Variants in ADK observed in about 807,000 individuals in gnomAD.
ADK encodes the protein adenosine kinase.
A neutral mutation model predicts 44.7 loss-of-function variants in ADK; 24 were observed. That is an observed-to-expected ratio of 0.54 (90% CI 0.39 to 0.76). The LOEUF (loss-of-function observed/expected upper bound fraction) is 0.76. Among genes scored for constraint, ADK ranks in the 30% least tolerant of loss-of-function variants. The pLI is 0.00. For synonymous variants in ADK, 128 were observed against 142.6 expected (o/e 0.90, Z 0.73); for missense variants, 321 against 425.1 (o/e 0.76, Z 2.15).
chr10:74,629,230 G>C (rs1434031749), intron 9 of ADK, among the ~76,000 whole-genome samples: 1 of 152,050 alleles, frequency 6.6e-6, no homozygotes, highest in Non-Finnish European at 1.5e-5. Flanking sequence ...GGGTCTTGCT[G>C]TGTTGTCCAG....
chr10:74,169,074 C>G (rs1187086577), intron 1 of ADK, among the ~76,000 whole-genome samples: 1 of 152,044 alleles, frequency 6.6e-6, no homozygotes, highest in African/African-American at 2.4e-5. Context: ...AAAAAATTAG[C>G]TGGGCATGGT....
intron 3 of ADK, among the ~76,000 whole-genome samples, chr10:74,282,927 A>G (rs1004641481): frequency 6.6e-6 from 1 of 152,202 alleles, no homozygotes; most frequent in Non-Finnish European, 1.5e-5. Flanking sequence ...CTATTGAAAA[A>G]ATACCATGAG....
chr10:74,647,384 G>C (rs1854091942), intron 9 of ADK, among the ~76,000 whole-genome samples: 1 of 152,074 alleles, frequency 6.6e-6, no homozygotes, highest in Admixed American at 6.5e-5. Context: ...CTAAGAACTG[G>C]TTTACTAGAG....
chr10:74,662,052 A>G (rs372805851), intron 9 of ADK, among the ~76,000 whole-genome samples: 21 of 152,312 alleles, frequency 1.4e-4, no homozygotes, highest in South Asian at 1.2e-3. Context: ...ATACCTGATA[A>G]TATTATATAG....
At chr10:74,521,350 TC>T (rs1004669621) in intron 6 of ADK, among the ~76,000 whole-genome samples, 1 of 152,180 alleles carries the variant, frequency 6.6e-6, no homozygotes, top group African/African-American at 2.4e-5. Context: ...ATCACAAGAC[TC>T]TTGTGTTGTA....
chr10:74,195,070 T>A (rs1362526036), intron 1 of ADK, among the ~76,000 whole-genome samples: 1 of 132,474 alleles, frequency 7.5e-6, no homozygotes, highest in East Asian at 2.0e-4. Flanking sequence ...ATTTATAAAA[T>A]TACTGACCGC....
chr10:74,308,681 A>G (rs1226813858), intron 3 of ADK, among the ~76,000 whole-genome samples: 1 of 152,228 alleles, frequency 6.6e-6, no homozygotes, highest in East Asian at 1.9e-4. Flanking sequence ...AGGAAGTTAA[A>G]TTTTTGGAAT....
At chr10:74,286,201 T>A (rs1281318454) in intron 3 of ADK, among the ~76,000 whole-genome samples, 4 of 152,152 alleles carry the variant, frequency 2.6e-5, no homozygotes, top group Admixed American at 6.5e-5. Flanking sequence ...TACAAGTGTG[T>A]GCCACCACAC....
chr10:74,600,520 C>G, intron 9 of ADK, 27 bp downstream of exon 9: 1 of 1,494,962 alleles, frequency 6.7e-7, no homozygotes, highest in Non-Finnish European at 9.3e-7. Flanking sequence ...TGTGATGAAT[C>G]TAGTATTATG....
intron 3 of ADK, among the ~76,000 whole-genome samples, chr10:74,265,924 T>C (rs1431214350): frequency 6.6e-6 from 1 of 152,124 alleles, no homozygotes; most frequent in Admixed American, 6.5e-5. Context: ...TATAAAGTGC[T>C]TGTGATGATA....
At chr10:74,169,968 A>G (rs1307148389) in intron 1 of ADK, among the ~76,000 whole-genome samples, 2 of 152,236 alleles carry the variant, frequency 1.3e-5, no homozygotes, top group African/African-American at 4.8e-5. Context: ...CAAAAGTAAT[A>G]AAGTTATTGG....
intron 6 of ADK, among the ~76,000 whole-genome samples, chr10:74,452,354 G>A (rs1845807516): frequency 1.3e-5 from 2 of 151,844 alleles, no homozygotes; most frequent in Admixed American, 1.3e-4. Flanking sequence ...TCAATGATTT[G>A]CTTTTTCTGA....
chr10:74,216,595 C>T (rs904824321), intron 2 of ADK, among the ~76,000 whole-genome samples: 8 of 151,728 alleles, frequency 5.3e-5, no homozygotes, highest in Non-Finnish European at 1.0e-4. Context: ...CGTGGGGGTG[C>T]ATGCCTGTAG....
intron 6 of ADK, among the ~76,000 whole-genome samples, chr10:74,414,679 C>G (rs1008494691): frequency 6.6e-6 from 1 of 151,900 alleles, no homozygotes; most frequent in Non-Finnish European, 1.5e-5. Context: ...AGGTTGCACT[C>G]CTGCCTAGGT....
intron 9 of ADK, among the ~76,000 whole-genome samples, chr10:74,638,083 A>G (rs941181468): frequency 6.6e-6 from 1 of 152,206 alleles, no homozygotes; most frequent in Non-Finnish European, 1.5e-5. Flanking sequence ...AAAAATATTT[A>G]TACAAGACTT....
chr10:74,402,545 A>C (rs1843753902), intron 6 of ADK, among the ~76,000 whole-genome samples: 1 of 152,036 alleles, frequency 6.6e-6, no homozygotes, highest in African/African-American at 2.4e-5. Context: ...CAGCTACTGA[A>C]GCTTGTGCAT....
At chr10:74,210,415 C>G (rs1271784120) in intron 2 of ADK, among the ~76,000 whole-genome samples, 1 of 150,668 alleles carries the variant, frequency 6.6e-6, no homozygotes, top group South Asian at 2.1e-4. Flanking sequence ...CAGATCTAAA[C>G]CTTTAATAAA....
Position 74,450,015 on chromosome 10 carries a change from A to T in ADK, c.555+51436A>T, listed in dbSNP as rs140160229. On this transcript the variant is annotated intron_variant, in intron 6 of 10. Coordinates refer to ENST00000539909, the MANE Select transcript of ADK (RefSeq NM_006721.4). ...AAATCACTGTATCTAAATTAATATT[A>T]AGACTCAGGGCCAGGCACATTGTCT... Among the ~76,000 whole-genome samples the T allele has an allele frequency of 6.7e-3, 1,022 of 152,252 alleles. 14 individuals are homozygous for T. The highest frequency in any genetic ancestry group is 0.023 in the African/African-American group (962 of 41,544).
At chr10:74,343,279 A>C (rs539051286) in intron 4 of ADK, among the ~76,000 whole-genome samples, 1 of 152,298 alleles carries the variant, frequency 6.6e-6, no homozygotes, top group East Asian at 1.9e-4. Context: ...TGATTCTCCC[A>C]AAACTTGTCA....
Sources: allele counts gnomAD v4.1 joint callset (sites outside exome capture counted in the v4.1 genomes callset), GRCh38; gene constraint gnomAD v4.1.1; transcripts MANE v1.5; gene names NCBI Gene and HGNC (gene_info 2026-07-23, HGNC 2026-07-21).